The following ZSCAN18 variants were observed in gnomAD, a reference collection of about 807,000 sequenced individuals.
ZSCAN18 encodes the protein zinc finger and SCAN domain containing 18, also known as zinc finger and SCAN domain-containing protein 18.
Under a neutral mutation model 31.1 loss-of-function variants are expected in ZSCAN18, and 16 were observed. The ratio of observed to expected loss-of-function variants is 0.51; its 90% CI spans 0.35 to 0.78. The LOEUF is 0.78. Among genes scored for constraint, ZSCAN18 ranks in the 30% least tolerant of loss-of-function variants. The probability of loss-of-function intolerance (pLI) is 0.01; values close to 1 mark genes in which losing one functional copy is unlikely to be tolerated. For synonymous variants in ZSCAN18, 375 were observed against 320.7 expected, an observed-to-expected ratio of 1.17 and a Z score of -1.81; for missense variants, 731 against 697.4, an observed-to-expected ratio of 1.05 and a Z score of -0.54.
chr19:58,086,557 G>A (rs1414745007), intron 5 of ZSCAN18: 1 of 462,026 alleles, frequency 2.2e-6, no homozygotes, highest in Non-Finnish European at 3.9e-6. Flanking sequence ...CCTAAAAGGA[G>A]GGTTTCTGGG....
At chr19:58,099,831 C>A (rs560291768), upstream of ZSCAN18, among the ~76,000 whole-genome samples, 1 of 152,258 alleles carries the variant, frequency 6.6e-6, no homozygotes, top group Admixed American at 6.5e-5. Flanking sequence ...TTGCATTTCC[C>A]TTAATTGCTA....
upstream of ZSCAN18, among the ~76,000 whole-genome samples, chr19:58,099,901 A>G (rs1224819671): frequency 6.6e-6 from 1 of 151,362 alleles, no homozygotes; most frequent in Non-Finnish European, 1.5e-5. Flanking sequence ...TCATTAAAGT[A>G]TCTGTTCGTA....
intron 1 of ZSCAN18, among the ~76,000 whole-genome samples, chr19:58,117,145 T>A (rs1462512965): frequency 6.6e-6 from 1 of 152,156 alleles, no homozygotes; most frequent in Admixed American, 6.5e-5. Flanking sequence ...GGTTAAGCCA[T>A]GGGATTTTGG....
Position 58,090,015 on chromosome 19 carries a change from T to C in ZSCAN18, c.253A>G (p.Lys85Glu). 1 of 1,614,050 alleles carries C rather than the reference T, an allele frequency of 6.2e-7. No individual in the cohort carries two copies. Among genetic ancestry groups the C allele is most frequent in the Non-Finnish European group, 8.5e-7 (1 of 1,180,050 alleles). Residue 85 changes from lysine (K) to glutamate (E), a missense_variant, in exon 2 of 7, where the codon AAG (lysine) becomes GAG (glutamate). By Grantham distance (56) the Lys-to-Glu change is moderately conservative. Coordinates refer to ENST00000601144, the MANE Select transcript of ZSCAN18 (RefSeq NM_001145543.2). This position sits in a 1 kb window ranked among gnomAD's most constrained non-coding sequence, Gnocchi z 4.7. ...RQWLMPEARSKEQMLELLVLE... is the reference protein window; with the variant it reads ...RQWLMPEARSEEQMLELLVLE... ...ACCAGCAGCTCCAGCATCTGCTCCTTGGAGCGCGCCTCAGGCATCAGCCAC... is the reference window on the plus strand; with the variant it reads ...ACCAGCAGCTCCAGCATCTGCTCCTCGGAGCGCGCCTCAGGCATCAGCCAC...
At position 58,090,549 on chromosome 19, in the gene ZSCAN18, A is replaced by T. The variant is rs1487121953; in HGVS notation, c.-119-163T>A. On this transcript the variant is annotated intron_variant, in intron 1 of 6. Coordinates refer to ENST00000601144, the MANE Select transcript of ZSCAN18 (RefSeq NM_001145543.2). This position sits in a 1 kb window ranked among gnomAD's most constrained non-coding sequence, Gnocchi z 4.7. ...TCAGTGTTGTACTCATGTAGATAAA[A>T]AGTAGCATGTAAATGGAGGGTAACT... 2 of 579,234 alleles carry T rather than the reference A, an allele frequency of 3.5e-6. No homozygotes were observed. The highest frequency in any genetic ancestry group is 5.7e-6 in the Non-Finnish European group (2 of 350,960). The allele number at this position is 579,234 out of a possible 1,614,324, so 35.9% of individuals were successfully genotyped here. A position where few individuals can be genotyped will look rare whatever the true frequency, so the allele number is the denominator to read the frequency against.
chr19:58,084,729 C>A lies in ZSCAN18; in HGVS notation c.1489G>T (p.Val497Leu). The A allele has an allele frequency of 2.0e-6, 3 of 1,529,200 alleles. No individual in the cohort carries two copies. Among genetic ancestry groups the A allele is most frequent in the South Asian group, 1.3e-5 (1 of 79,786 alleles). The allele number at this position is 1,529,200 out of a possible 1,614,324, so 94.7% of individuals were successfully genotyped here. The change falls in exon 7 of 7, where the codon GTG becomes TTG. Residue 497 changes from valine to leucine, a missense_variant. Physicochemically the swap from Val to Leu is conservative, Grantham distance 32 (BLOSUM62 1). Coordinates refer to ENST00000601144, the MANE Select transcript of ZSCAN18 (RefSeq NM_001145543.2). This position sits in a 1 kb window ranked among gnomAD's most constrained non-coding sequence, Gnocchi z 4.5. ...GARAGGPPES[V>L]EGEAPPAPPE... ...GGTGCGGGGGGAGCCTCGCCCTCCACGCTCTCTGGGGGACCGCCCGCCCTA... is the reference window on the plus strand; with the variant it reads ...GGTGCGGGGGGAGCCTCGCCCTCCAAGCTCTCTGGGGGACCGCCCGCCCTA...
At chr19:58,111,999 AAACCC>A (rs2074686910) in intron 1 of ZSCAN18, among the ~76,000 whole-genome samples, 1 of 152,200 alleles carries the variant, frequency 6.6e-6, no homozygotes, top group Admixed American at 6.5e-5. Flanking sequence ...ACAAAATTCC[AAACCC>A]GACCCCTGCC....
intron 1 of ZSCAN18, chr19:58,092,872 C>T (rs1221906308): frequency 9.1e-6 from 2 of 220,204 alleles, no homozygotes; most frequent in Admixed American, 1.3e-4. Flanking sequence ...CTCCTGAGCT[C>T]AAGTGATCCT....
In ZSCAN18 at chr19:58,085,322, C is replaced by A. The variant is rs2074253109; in HGVS notation, c.896G>T (p.Gly299Val). 5 of 1,595,866 alleles carry A rather than the reference C, an allele frequency of 3.1e-6. No individual in the cohort carries two copies. Among genetic ancestry groups the A allele is most frequent in the Non-Finnish European group, 4.2e-6 (5 of 1,177,904 alleles). ...GCACEEAAPA[G>V]VLPELPTEAP... ...CTCCGTAGGCAGCTCAGGCAGCACC[C>A]CCGCGGGGGCGGCCTCCTCGCAGGC... The change falls in exon 7 of 7, where the codon GGG becomes GTG. Residue 299 changes from glycine (G) to valine (V), a missense_variant. Coordinates refer to ENST00000601144, the MANE Select transcript of ZSCAN18 (RefSeq NM_001145543.2).
At chr19:58,095,956 C>T (rs116219639) in intron 1 of ZSCAN18, among the ~76,000 whole-genome samples, 1 of 152,184 alleles carries the variant, frequency 6.6e-6, no homozygotes, top group East Asian at 1.9e-4. Flanking sequence ...CTACTGGGAC[C>T]CTGATGCTCA....
chr19:58,097,869 G>C, intron 1 of ZSCAN18: 1 of 949,786 alleles, frequency 1.1e-6, no homozygotes, highest in Non-Finnish European at 1.2e-6. Context: ...CACCCACAGG[G>C]TGCCCTAAGC....
At chr19:58,101,051 C>G (rs1443161554), upstream of ZSCAN18, among the ~76,000 whole-genome samples, 1 of 151,896 alleles carries the variant, frequency 6.6e-6, no homozygotes, top group Non-Finnish European at 1.5e-5. Context: ...TTCCACTGAT[C>G]TATGTGTCTG....
intron 1 of ZSCAN18, chr19:58,108,661 C>G: frequency 3.0e-6 from 3 of 985,486 alleles, no homozygotes; most frequent in Non-Finnish European, 3.6e-6. Flanking sequence ...GGACAGTCCA[C>G]ATTCACTGTC....
At chr19:58,089,160 G>A (rs939396545) in intron 2 of ZSCAN18, among the ~76,000 whole-genome samples, 9 of 150,204 alleles carry the variant, frequency 6.0e-5, no homozygotes, top group Middle Eastern at 6.8e-3. Flanking sequence ...AAAATTAGCC[G>A]GGCGTAGTGG....
chr19:58,100,684 G>C (rs62126796), upstream of ZSCAN18, among the ~76,000 whole-genome samples: 26,308 of 75,828 alleles, frequency 0.35, 2,358 homozygotes, highest in Non-Finnish European at 0.4. Flanking sequence ...CCAGCGGGCG[G>C]ATCACGAGGT....
chr19:58,092,592 A>T (rs2074436042), intron 1 of ZSCAN18: 1 of 602,814 alleles, frequency 1.7e-6, no homozygotes, highest in Non-Finnish European at 2.1e-6. Flanking sequence ...AAAAAAAAAA[A>T]AAAGAACCAG....
Position 58,090,027 on chromosome 19 carries a change from C to T in ZSCAN18, c.241G>A (p.Glu81Lys). The T allele has an allele frequency of 1.2e-6, 2 of 1,614,018 alleles. No homozygotes were observed. Among genetic ancestry groups the T allele is most frequent in the African/African-American group, 2.7e-5 (2 of 75,072 alleles). The change falls in exon 2 of 7, where the codon GAG becomes AAG. Residue 81 changes from glutamate (E) to lysine (K), a missense_variant. Glu to Lys is a moderately conservative substitution (Grantham distance 56). Around this residue, in one of 4 missense-constraint regions of ZSCAN18, gnomAD observed 86 missense variants for 119.1 expected, o/e 0.72. Transcript: ENST00000601144. The surrounding 1 kb of genome is among the most constrained non-coding windows in gnomAD (Gnocchi z 4.7). Reference protein sequence around the residue: ...HELCRQWLMPEARSKEQMLEL... With the variant: ...HELCRQWLMPKARSKEQMLEL... Reference sequence around the variant, plus strand: ...AGCATCTGCTCCTTGGAGCGCGCCTCAGGCATCAGCCACTGGCGGCACAGC... The same window carrying T: ...AGCATCTGCTCCTTGGAGCGCGCCTTAGGCATCAGCCACTGGCGGCACAGC...
chr19:58,099,059 C>A (rs964249534), upstream of ZSCAN18, among the ~76,000 whole-genome samples: 1 of 152,110 alleles, frequency 6.6e-6, no homozygotes, highest in Non-Finnish European at 1.5e-5. Context: ...CAGATAGAGG[C>A]GCTTATGAGG....
chr19:58,085,086 C>T lies in ZSCAN18; in HGVS notation c.1132G>A (p.Asp378Asn), dbSNP rs760521745. 5.6e-6 allele frequency: 9 copies of T among 1,604,808 alleles called. No homozygotes were observed. The highest frequency in any genetic ancestry group is 7.7e-6 in the Non-Finnish European group (9 of 1,174,916). Residue 378 changes from aspartate (D) to asparagine (N), a missense_variant, in exon 7 of 7, where the codon GAC becomes AAC. Around this residue, in one of 4 missense-constraint regions of ZSCAN18, gnomAD observed 597 missense variants for 499.5 expected, o/e 1.20. Transcript: ENST00000601144. ...GTKRPHPEDGDGQSLEGVSSS... is the reference protein window; with the variant it reads ...GTKRPHPEDGNGQSLEGVSSS... The stretch of plus-strand genomic sequence containing the variant: ...GAGACGCCCTCGAGGCTCTGCCCGT[C>T]CCCATCCTCGGGGTGCGGCCTCTTG...
Sources: gnomAD v4.1 joint callset for allele counts (sites outside exome capture counted in the v4.1 genomes callset) on GRCh38, gnomAD v4.1.1 for gene constraint, gnomAD v4.1.1 regional missense constraint, Gnocchi (gnomAD v3.1) non-coding constraint, MANE v1.5 for transcripts, NCBI Gene and HGNC (gene_info 2026-07-23, HGNC 2026-07-21) for gene names.